The following GPC3 variants were observed in gnomAD, a reference collection of about 807,000 sequenced individuals.
GPC3 encodes glypican-3.
Under a neutral mutation model 34.4 loss-of-function variants are expected in GPC3, and 3 were observed. That is an observed-to-expected ratio of 0.09 (90% confidence interval 0.04 to 0.23). The LOEUF (loss-of-function observed/expected upper bound fraction) is 0.23, where lower values mean the gene tolerates loss of function less well. GPC3 is among the 10% of genes least tolerant of loss of function. GPC3 has a pLI of 1.00. For synonymous variants in GPC3, 177 were observed against 174.0 expected (o/e 1.02, Z -0.13); for missense variants, 351 against 445.6 (o/e 0.79, Z 1.91).
intron 2 of GPC3, among the ~76,000 whole-genome samples, chrX:133,944,826 C>T (rs1362072952): frequency 9.0e-6 from 1 of 111,548 alleles, no homozygotes; most frequent in Non-Finnish European, 1.9e-5. Context: ...TCCTATGGGC[C>T]AGCATAGAGC....
chrX:133,627,773 A>G (rs765953738), intron 6 of GPC3, among the ~76,000 whole-genome samples: 1 of 112,588 alleles, frequency 8.9e-6, no homozygotes, highest in East Asian at 2.8e-4. Context: ...TTCCAAATCC[A>G]TTCCAAATCC....
intron 2 of GPC3, among the ~76,000 whole-genome samples, chrX:133,887,822 TTTTA>T (rs1427000622): frequency 8.9e-6 from 1 of 112,088 alleles, no homozygotes; most frequent in Non-Finnish European, 1.9e-5. Context: ...TTTGATTTAA[TTTTA>T]TTTGTCTCTT....
intron 2 of GPC3, among the ~76,000 whole-genome samples, chrX:133,916,893 T>C (rs1271152368): frequency 4.5e-5 from 5 of 110,367 alleles, no homozygotes; most frequent in African/African-American, 1.3e-4. Flanking sequence ...ATGATGATGA[T>C]AATAATAATA....
intron 7 of GPC3, among the ~76,000 whole-genome samples, chrX:133,539,826 T>G (rs1304437244): frequency 8.9e-6 from 1 of 112,156 alleles, no homozygotes; most frequent in East Asian, 2.8e-4. Flanking sequence ...AGATTAGAGA[T>G]AAAGGGAATA....
chrX:133,748,841 A>G (rs2071633199), intron 3 of GPC3, among the ~76,000 whole-genome samples: 2 of 111,932 alleles, frequency 1.8e-5, no homozygotes, highest in Admixed American at 1.9e-4. Context: ...TAGCTTTGCC[A>G]CTAATTGCCT....
chrX:133,646,551 C>T (rs1445135172), intron 6 of GPC3, among the ~76,000 whole-genome samples: 4 of 112,038 alleles, frequency 3.6e-5, no homozygotes, highest in Non-Finnish European at 7.5e-5. Flanking sequence ...CACAGGACTA[C>T]ACTACCCAGG....
intron 3 of GPC3, among the ~76,000 whole-genome samples, chrX:133,736,129 C>A (rs772626793): frequency 7.2e-5 from 8 of 111,325 alleles, no homozygotes; most frequent in Admixed American, 1.9e-4. Context: ...ATGAAAATCA[C>A]CCAACATCAT....
chrX:133,685,743 G>A (rs1006974162), intron 5 of GPC3, among the ~76,000 whole-genome samples: 2 of 108,457 alleles, frequency 1.8e-5, no homozygotes, highest in African/African-American at 6.8e-5. Context: ...AGATGAACAT[G>A]CATTCATAAC....
At chrX:133,575,540 A>G (rs934964175) in intron 7 of GPC3, among the ~76,000 whole-genome samples, 1 of 111,725 alleles carries the variant, frequency 9.0e-6, no homozygotes, top group Non-Finnish European at 1.9e-5. Context: ...ATAATTCTAA[A>G]TGTGTTATTT....
chrX:133,685,961 G>A (rs952958459), intron 5 of GPC3, among the ~76,000 whole-genome samples: 1 of 110,991 alleles, frequency 9.0e-6, no homozygotes, highest in Non-Finnish European at 1.9e-5. Flanking sequence ...TCCTGGAGCT[G>A]ACATCTGGAG....
chrX:133,768,195 G>T (rs969076392), intron 2 of GPC3, among the ~76,000 whole-genome samples: 1 of 110,971 alleles, frequency 9.0e-6, no homozygotes, highest in African/African-American at 3.3e-5. Context: ...AGTCTCTAAT[G>T]CCTATACGCA....
chrX:133,962,127 T>A (rs1350275001), intron 1 of GPC3, among the ~76,000 whole-genome samples: 1 of 111,850 alleles, frequency 8.9e-6, no homozygotes, highest in Non-Finnish European at 1.9e-5. Context: ...AACCCTGCTA[T>A]AAGATGACTA....
chrX:133,610,808 A>G (rs1404015694), intron 6 of GPC3, among the ~76,000 whole-genome samples: 1 of 103,876 alleles, frequency 9.6e-6, no homozygotes, highest in East Asian at 3.0e-4. Context: ...GCTCAGCATT[A>G]TATTCAACAC....
At chrX:133,719,151 T>C (rs909973873) in intron 3 of GPC3, among the ~76,000 whole-genome samples, 3 of 111,162 alleles carry the variant, frequency 2.7e-5, no homozygotes, top group Non-Finnish European at 5.7e-5. Context: ...AATTCTCTAC[T>C]ACACGTGGAA....
chrX:133,605,434 CT>C (rs2070038515), intron 6 of GPC3, among the ~76,000 whole-genome samples: 1 of 112,269 alleles, frequency 8.9e-6, no homozygotes, highest in Non-Finnish European at 1.9e-5. Flanking sequence ...GAACTTTCCA[CT>C]GTTTGTAATT....
At chrX:133,578,432 T>C (rs1290187429) in intron 7 of GPC3, among the ~76,000 whole-genome samples, 1 of 112,456 alleles carries the variant, frequency 8.9e-6, no homozygotes, top group Non-Finnish European at 1.9e-5. Context: ...CTCATGCCTG[T>C]AATCCCAGCA....
chrX:133,968,505 G>A (rs1227599532), intron 1 of GPC3, among the ~76,000 whole-genome samples: 1 of 112,111 alleles, frequency 8.9e-6, no homozygotes, highest in African/African-American at 3.2e-5. Context: ...CTAAGCCTCA[G>A]TTTCCTCATC....
intron 7 of GPC3, among the ~76,000 whole-genome samples, chrX:133,582,017 T>C: frequency 9.0e-6 from 1 of 111,656 alleles, no homozygotes; most frequent in South Asian, 3.8e-4. Flanking sequence ...CAAGCCCTGA[T>C]TTGTAGTTTC....
At chrX:133,798,478 C>T (rs1192597404) in intron 2 of GPC3, among the ~76,000 whole-genome samples, 2 of 112,139 alleles carry the variant, frequency 1.8e-5, no homozygotes, top group Non-Finnish European at 3.8e-5. Flanking sequence ...ACTTGTCTCC[C>T]GTGGGTCACA....
Sources: gnomAD v4.1 joint callset for allele counts (sites outside exome capture counted in the v4.1 genomes callset) on GRCh38, gnomAD v4.1.1 for gene constraint, MANE v1.5 for transcripts, NCBI Gene and HGNC (gene_info 2026-07-23, HGNC 2026-07-21) for gene names.